The following KCNB2 variants were observed in gnomAD, a reference collection of about 807,000 sequenced individuals.
KCNB2 encodes potassium voltage-gated channel subfamily B member 2.
Under a neutral mutation model 61.5 loss-of-function variants are expected in KCNB2, and 15 were observed. The observed-to-expected ratio is 0.24, with a 90% CI of 0.16 to 0.38. The LOEUF (loss-of-function observed/expected upper bound fraction) is 0.38. Among genes scored for constraint, KCNB2 ranks in the 10% least tolerant of loss-of-function variants. The pLI is 1.00. For synonymous variants in KCNB2, 457 were observed against 446.0 expected, an observed-to-expected ratio of 1.02 and a Z score of -0.31; for missense variants, 828 against 1,125.2, an observed-to-expected ratio of 0.74 and a Z score of 3.78.
intron 2 of KCNB2, among the ~76,000 whole-genome samples, chr8:72,933,616 A>G (rs373252491): frequency 5.9e-4 from 90 of 152,366 alleles, no homozygotes; most frequent in African/African-American, 2.1e-3. Flanking sequence ...ATAAGAGCAT[A>G]GGAACGGATG....
chr8:72,883,344 G>A (rs1171218270), intron 2 of KCNB2, among the ~76,000 whole-genome samples: 1 of 152,176 alleles, frequency 6.6e-6, no homozygotes, highest in East Asian at 1.9e-4. Flanking sequence ...AGAGGTTCCT[G>A]CTGTCCTCAG....
At chr8:72,654,798 A>G (rs1806264498) in intron 2 of KCNB2, among the ~76,000 whole-genome samples, 1 of 152,194 alleles carries the variant, frequency 6.6e-6, no homozygotes. Context: ...AGAAAAAGAT[A>G]AAAAATACTG....
chr8:72,591,112 CT>C (rs11354266), intron 2 of KCNB2, among the ~76,000 whole-genome samples: 17,968 of 152,044 alleles, frequency 0.12, 1,506 homozygotes, highest in East Asian at 0.47. Context: ...TCAGTCAGCT[CT>C]TTTTTGTTAA....
At chr8:72,701,137 G>C (rs1404899667) in intron 2 of KCNB2, among the ~76,000 whole-genome samples, 1 of 152,028 alleles carries the variant, frequency 6.6e-6, no homozygotes, top group Non-Finnish European at 1.5e-5. Context: ...CTCATTACCT[G>C]GGTGATGGCA....
At chr8:72,544,837 G>A (rs1229344481) in intron 1 of KCNB2, among the ~76,000 whole-genome samples, 2 of 152,148 alleles carry the variant, frequency 1.3e-5, no homozygotes, top group Non-Finnish European at 2.9e-5. Flanking sequence ...GAAACATGAA[G>A]CTCTCTGCAT....
intron 2 of KCNB2, among the ~76,000 whole-genome samples, chr8:72,684,316 G>A (rs1010192105): frequency 1.2e-4 from 19 of 152,226 alleles, no homozygotes; most frequent in African/African-American, 4.6e-4. Context: ...ACATCTGGGT[G>A]GCACTAGCCA....
At chr8:72,713,130 C>T (rs1322791305) in intron 2 of KCNB2, among the ~76,000 whole-genome samples, 1 of 152,244 alleles carries the variant, frequency 6.6e-6, no homozygotes, top group African/African-American at 2.4e-5. Flanking sequence ...CCCGCCATTG[C>T]CCAGGCTTGA....
chr8:72,825,110 C>T (rs547852777), intron 2 of KCNB2, among the ~76,000 whole-genome samples: 1 of 152,326 alleles, frequency 6.6e-6, no homozygotes, highest in South Asian at 2.1e-4. Context: ...ATGAATTTGA[C>T]TACTCTAGGC....
chr8:72,732,067 G>A (rs1432249609), intron 2 of KCNB2: 5 of 152,238 alleles, frequency 3.3e-5, no homozygotes, highest in African/African-American at 1.2e-4. Context: ...GGAAGCCTCT[G>A]TTGGAAGTCA....
At chr8:72,869,002 C>T (rs4255180) in intron 2 of KCNB2, among the ~76,000 whole-genome samples, 24,558 of 152,092 alleles carry the variant, frequency 0.16, 2,616 homozygotes, top group Non-Finnish European at 0.24. Flanking sequence ...AAATTGGGGG[C>T]AAGGTAGGGG....
intron 2 of KCNB2, chr8:72,619,219 G>C (rs1187962900): frequency 1.8e-6 from 1 of 569,382 alleles, no homozygotes; most frequent in East Asian, 4.5e-5. Flanking sequence ...GATAAACCTA[G>C]CTAGTGAGGT....
intron 2 of KCNB2, among the ~76,000 whole-genome samples, chr8:72,630,013 A>G (rs1461959524): frequency 6.6e-6 from 1 of 152,184 alleles, no homozygotes; most frequent in South Asian, 2.1e-4. Context: ...TATTTGAAGC[A>G]TGGTTGTCTG....
At chr8:72,760,971 C>T (rs997376932) in intron 2 of KCNB2, among the ~76,000 whole-genome samples, 1 of 152,190 alleles carries the variant, frequency 6.6e-6, no homozygotes, top group African/African-American at 2.4e-5. Flanking sequence ...TTCCCTTCTT[C>T]CCAGCTGTAT....
chr8:72,592,861 T>A (rs1807123766), intron 2 of KCNB2, among the ~76,000 whole-genome samples: 1 of 152,170 alleles, frequency 6.6e-6, no homozygotes, highest in Non-Finnish European at 1.5e-5. Context: ...TAATGTAACA[T>A]ACCTTGGCAA....
chr8:72,783,287 T>C (rs577193486), intron 2 of KCNB2, among the ~76,000 whole-genome samples: 1 of 152,146 alleles, frequency 6.6e-6, no homozygotes, highest in African/African-American at 2.4e-5. Context: ...TCAAGTCATG[T>C]CCTTACAGTG....
intron 2 of KCNB2, among the ~76,000 whole-genome samples, chr8:72,592,824 T>G (rs1419763089): frequency 6.6e-6 from 1 of 151,948 alleles, no homozygotes; most frequent in Non-Finnish European, 1.5e-5. Context: ...AATTTGGGGG[T>G]TTTTGTTATA....
chr8:72,866,358 G>C (rs1469970286), intron 2 of KCNB2, among the ~76,000 whole-genome samples: 1 of 152,152 alleles, frequency 6.6e-6, no homozygotes, highest in Non-Finnish European at 1.5e-5. Context: ...AGTGCCCATA[G>C]GGACAGTCAA....
chr8:72,558,783 A>G (rs1366867943), intron 1 of KCNB2, among the ~76,000 whole-genome samples: 2 of 152,144 alleles, frequency 1.3e-5, no homozygotes, highest in Non-Finnish European at 2.9e-5. Context: ...CAACAAATAT[A>G]TAATTGATGT....
chr8:72,684,411 G>C (rs1806813931), intron 2 of KCNB2, among the ~76,000 whole-genome samples: 1 of 152,192 alleles, frequency 6.6e-6, no homozygotes. Flanking sequence ...ATAGGTGGTA[G>C]TTAAAGCCCT....
Sources: allele counts gnomAD v4.1 joint callset (sites outside exome capture counted in the v4.1 genomes callset), GRCh38; gene constraint gnomAD v4.1.1; transcripts MANE v1.5; gene names NCBI Gene and HGNC (gene_info 2026-07-23, HGNC 2026-07-21).